The following EBF1 variants were observed in gnomAD, a reference collection of about 807,000 sequenced individuals.
The protein encoded by EBF1 is EBF transcription factor 1, also known as transcription factor COE1.
A neutral mutation model predicts 68.4 loss-of-function variants in EBF1; 10 were observed. That is an observed-to-expected ratio of 0.15 (90% CI 0.09 to 0.25). The LOEUF is 0.25. Among genes scored for constraint, EBF1 ranks in the 10% least tolerant of loss-of-function variants. EBF1 has a pLI of 1.00. For missense variants in EBF1, 509 were observed against 794.4 expected (o/e 0.64, Z 4.32); for synonymous variants, 298 against 299.8 (o/e 0.99, Z 0.06).
At chr5:158,771,853 G>A (rs1352172669) in intron 10 of EBF1, among the ~76,000 whole-genome samples, 1 of 152,134 alleles carries the variant, frequency 6.6e-6, no homozygotes. Flanking sequence ...CAGCTAGCGA[G>A]TAGCAAGGCT....
At chr5:158,758,954 C>G (rs924476657) in intron 10 of EBF1, among the ~76,000 whole-genome samples, 1 of 152,162 alleles carries the variant, frequency 6.6e-6, no homozygotes, top group East Asian at 1.9e-4. Flanking sequence ...ATGATGATTT[C>G]TTTTCATTCT....
At chr5:159,077,610 C>G (rs564265720) in intron 5 of EBF1, among the ~76,000 whole-genome samples, 2 of 152,056 alleles carry the variant, frequency 1.3e-5, no homozygotes, top group Non-Finnish European at 2.9e-5. Context: ...TAGAACTGAG[C>G]CTGGCACACA....
chr5:159,030,364 A>G (rs1418156777), intron 6 of EBF1, among the ~76,000 whole-genome samples: 1 of 152,138 alleles, frequency 6.6e-6, no homozygotes, highest in Non-Finnish European at 1.5e-5. Flanking sequence ...ATTATTATTC[A>G]TCTCTACATC....
intron 6 of EBF1, among the ~76,000 whole-genome samples, chr5:158,990,219 G>T (rs1760022245): frequency 6.6e-6 from 1 of 152,190 alleles, no homozygotes; most frequent in Admixed American, 6.5e-5. Context: ...GCACTCTTCT[G>T]CTGGTGATGG....
chr5:158,808,102 G>A (rs759527483), intron 8 of EBF1, among the ~76,000 whole-genome samples: 3 of 152,106 alleles, frequency 2.0e-5, no homozygotes, highest in Non-Finnish European at 2.9e-5. Context: ...GTTTGTTACA[G>A]CACAGATGTT....
At chr5:159,098,641 T>G (rs1783078953) in intron 1 of EBF1, among the ~76,000 whole-genome samples, 3 of 141,458 alleles carry the variant, frequency 2.1e-5, no homozygotes, top group Admixed American at 7.1e-5. Context: ...AGGGAGAAAT[T>G]AAGGGAAGGT....
At chr5:158,765,365 T>G (rs994971107) in intron 10 of EBF1, among the ~76,000 whole-genome samples, 2 of 152,010 alleles carry the variant, frequency 1.3e-5, no homozygotes, top group African/African-American at 4.8e-5. Flanking sequence ...TAAAAATCAA[T>G]TAAAACTAAA....
At chr5:159,001,573 G>A (rs751489790) in intron 6 of EBF1, among the ~76,000 whole-genome samples, 20 of 152,136 alleles carry the variant, frequency 1.3e-4, no homozygotes, top group Non-Finnish European at 2.5e-4. Context: ...GCTGTTATGA[G>A]TCCTTAACAC....
intron 6 of EBF1, among the ~76,000 whole-genome samples, chr5:158,969,873 AAAG>A (rs1755080217): frequency 1.1e-5 from 1 of 93,724 alleles, no homozygotes; most frequent in African/African-American, 3.8e-5. Context: ...AGAAAGAAAG[AAAG>A]AAAGAAAGAA....
chr5:158,765,111 C>G (rs948366242), intron 10 of EBF1, among the ~76,000 whole-genome samples: 40 of 152,106 alleles, frequency 2.6e-4, no homozygotes, highest in Non-Finnish European at 1.0e-4. Context: ...ACAGAACATT[C>G]CAGTAAGTCA....
chr5:159,006,647 T>TAAAAAAAAAAAAAAAAAAAAA (rs36045942), intron 6 of EBF1, among the ~76,000 whole-genome samples: 4 of 56,206 alleles, frequency 7.1e-5, no homozygotes, highest in Admixed American at 2.6e-4. Flanking sequence ...ATAGCCATGT[T>TAAAAAAAAAAAAAAAAAAAAA]AAAAAAAAAA....
intron 6 of EBF1, among the ~76,000 whole-genome samples, chr5:158,980,464 C>A (rs984252771): frequency 2.6e-5 from 4 of 152,218 alleles, no homozygotes; most frequent in African/African-American, 4.8e-5. Context: ...AGCCAAGACT[C>A]CTCTCTCTGT....
chr5:158,878,893 C>T (rs1798308135), intron 6 of EBF1, among the ~76,000 whole-genome samples: 1 of 152,150 alleles, frequency 6.6e-6, no homozygotes, highest in Non-Finnish European at 1.5e-5. Flanking sequence ...TTCCGCCTGC[C>T]TTAGCCTCCC....
intron 10 of EBF1, among the ~76,000 whole-genome samples, chr5:158,735,408 G>A (rs1278984459): frequency 6.6e-6 from 1 of 152,176 alleles, no homozygotes; most frequent in Non-Finnish European, 1.5e-5. Context: ...CTCATTTACT[G>A]GTAGAAAGAT....
chr5:158,758,174 T>C (rs1770556987), intron 10 of EBF1, among the ~76,000 whole-genome samples: 1 of 152,220 alleles, frequency 6.6e-6, no homozygotes, highest in African/African-American at 2.4e-5. Flanking sequence ...GATAATGTAA[T>C]CTCTCTATGG....
chr5:159,088,488 CT>C (rs1252770414), intron 4 of EBF1, among the ~76,000 whole-genome samples: 1 of 152,152 alleles, frequency 6.6e-6, no homozygotes, highest in Non-Finnish European at 1.5e-5. Flanking sequence ...TTCTGCGTTT[CT>C]TCCTAATTTA....
At chr5:158,778,308 T>C (rs1236843118) in intron 9 of EBF1, among the ~76,000 whole-genome samples, 1 of 152,172 alleles carries the variant, frequency 6.6e-6, no homozygotes, top group Non-Finnish European at 1.5e-5. Context: ...TTAATGGCCA[T>C]AAAACTGGCA....
chr5:158,757,037 C>G (rs999981468), intron 10 of EBF1, among the ~76,000 whole-genome samples: 3 of 151,548 alleles, frequency 2.0e-5, no homozygotes, highest in Non-Finnish European at 2.9e-5. Flanking sequence ...TCACCCTTCA[C>G]AGGCTGAGCC....
intron 6 of EBF1, among the ~76,000 whole-genome samples, chr5:158,859,991 G>T (rs546092550): frequency 1.3e-5 from 2 of 152,114 alleles, no homozygotes; most frequent in Admixed American, 6.5e-5. Flanking sequence ...ATACATCACC[G>T]TTTGGTGAAT....
Sources: gnomAD v4.1 joint callset for allele counts (sites outside exome capture counted in the v4.1 genomes callset) on GRCh38, gnomAD v4.1.1 for gene constraint, MANE v1.5 for transcripts, NCBI Gene and HGNC (gene_info 2026-07-23, HGNC 2026-07-21) for gene names.